FOXP2: variants seen among roughly 807,000 people sequenced by gnomAD.
FOXP2 encodes forkhead box protein P2.
A neutral mutation model predicts 115.8 loss-of-function variants in FOXP2; 12 were observed. The observed-to-expected ratio is 0.10, with a 90% CI of 0.07 to 0.17. The LOEUF (loss-of-function observed/expected upper bound fraction) is 0.17, where lower values mean the gene tolerates loss of function less well. Ranked by LOEUF, FOXP2 falls within the 10% of genes least tolerant of loss-of-function variation. FOXP2 has a pLI of 1.00. For missense variants in FOXP2, 629 were observed against 843.5 expected (o/e 0.75, Z 3.15); for synonymous variants, 328 against 297.7 (o/e 1.10, Z -1.05).
At chr7:114,490,903 CATT>C (rs1425142251) in intron 2 of FOXP2, among the ~76,000 whole-genome samples, 1 of 152,158 alleles carries the variant, frequency 6.6e-6, no homozygotes. Flanking sequence ...TCCAGTCTAT[CATT>C]GTTGAACATT....
intron 1 of FOXP2, among the ~76,000 whole-genome samples, chr7:114,134,153 C>T (rs1358092641): frequency 1.3e-5 from 2 of 151,940 alleles, no homozygotes; most frequent in Admixed American, 6.5e-5. Context: ...AAATGGGGAC[C>T]GAAATTTTAC....
At chr7:114,635,666 T>C (rs1018825016) in intron 6 of FOXP2, among the ~76,000 whole-genome samples, 1 of 152,170 alleles carries the variant, frequency 6.6e-6, no homozygotes, top group African/African-American at 2.4e-5. Flanking sequence ...AACTCTATAA[T>C]TCTTGTAGAA....
chr7:114,564,126 G>A (rs747624694), intron 3 of FOXP2, among the ~76,000 whole-genome samples: 4 of 152,072 alleles, frequency 2.6e-5, no homozygotes, highest in Admixed American at 1.3e-4. Flanking sequence ...AAAACTCTTC[G>A]TAGTCCTAAT....
chr7:114,274,867 C>T (rs1460490887), intron 1 of FOXP2, among the ~76,000 whole-genome samples: 3 of 151,682 alleles, frequency 2.0e-5, no homozygotes, highest in African/African-American at 7.3e-5. Context: ...GTTACCTAGG[C>T]TGGTCTGGAA....
chr7:114,325,523 G>A (rs1222928075), intron 2 of FOXP2, among the ~76,000 whole-genome samples: 1 of 151,510 alleles, frequency 6.6e-6, no homozygotes, highest in Admixed American at 6.6e-5. Context: ...CTTGGATATT[G>A]GAAAATCTAA....
At chr7:114,171,617 A>G (rs931934677) in intron 1 of FOXP2, among the ~76,000 whole-genome samples, 3 of 152,148 alleles carry the variant, frequency 2.0e-5, no homozygotes, top group African/African-American at 7.2e-5. Context: ...AAGAGCTCCA[A>G]TGGAGATGTT....
chr7:114,528,291 A>G (rs989385733), intron 2 of FOXP2, among the ~76,000 whole-genome samples: 2 of 152,086 alleles, frequency 1.3e-5, no homozygotes, highest in East Asian at 1.9e-4. Flanking sequence ...TATATCCTCC[A>G]TAAAAATTTC....
At chr7:114,267,228 A>C (rs1014330091) in intron 1 of FOXP2, among the ~76,000 whole-genome samples, 1 of 152,136 alleles carries the variant, frequency 6.6e-6, no homozygotes, top group Non-Finnish European at 1.5e-5. Context: ...CTAGATCCTA[A>C]AGAAAGCAGC....
intron 1 of FOXP2, among the ~76,000 whole-genome samples, chr7:114,267,190 C>T (rs1795915344): frequency 6.6e-6 from 1 of 152,022 alleles, no homozygotes; most frequent in Non-Finnish European, 1.5e-5. Context: ...AAAAAATTAT[C>T]CTCTCAACCC....
At chr7:114,345,363 T>C (rs1019632424) in intron 2 of FOXP2, among the ~76,000 whole-genome samples, 1 of 151,956 alleles carries the variant, frequency 6.6e-6, no homozygotes, top group Middle Eastern at 3.4e-3. Flanking sequence ...AATCTTGTAA[T>C]GTATCATTAG....
chr7:114,490,414 G>T (rs573393974), intron 2 of FOXP2, among the ~76,000 whole-genome samples: 9 of 152,216 alleles, frequency 5.9e-5, no homozygotes, highest in African/African-American at 2.2e-4. Context: ...GGCTCAGGGA[G>T]GTAGGGATGT....
chr7:114,657,827 A>G (rs1412272059), intron 10 of FOXP2, among the ~76,000 whole-genome samples: 1 of 152,164 alleles, frequency 6.6e-6, no homozygotes, highest in Non-Finnish European at 1.5e-5. Flanking sequence ...GTAGGACAAG[A>G]AGGAGTTAGT....
intron 1 of FOXP2, among the ~76,000 whole-genome samples, chr7:114,121,342 C>T (rs558929071): frequency 4.4e-4 from 67 of 152,000 alleles, no homozygotes; most frequent in Non-Finnish European, 9.3e-4. Flanking sequence ...CTTCCAGCCC[C>T]AGAACAGGGT....
At chr7:114,279,335 A>C (rs549822212) in intron 1 of FOXP2, among the ~76,000 whole-genome samples, 1 of 152,342 alleles carries the variant, frequency 6.6e-6, no homozygotes, top group African/African-American at 2.4e-5. Flanking sequence ...GGGATTGTTC[A>C]ACAACTGATA....
rs1214896809 is a variant in FOXP2, at chr7:114,612,430, C to T, written c.259-16110C>T. On this transcript the variant is annotated intron_variant, in intron 3 of 16. Coordinates refer to ENST00000350908, the MANE Select transcript of FOXP2 (RefSeq NM_014491.4). ...GTATATATGGGATTTTTAATACACA[C>T]ACACACACATATATATATAGTCCTC... Among the ~76,000 whole-genome samples, 3 of 151,954 alleles carry T rather than the reference C, an allele frequency of 2.0e-5. No homozygotes were observed. In the South Asian group the frequency reaches 6.2e-4, roughly 31 times the overall value.
intron 2 of FOXP2, among the ~76,000 whole-genome samples, chr7:114,381,680 A>G (rs1381208395): frequency 3.3e-5 from 5 of 152,160 alleles, no homozygotes. Context: ...TAGAGGAACA[A>G]CAGCCTCACT....
At chr7:114,252,639 T>C (rs1235070894) in intron 1 of FOXP2, among the ~76,000 whole-genome samples, 7 of 152,208 alleles carry the variant, frequency 4.6e-5, no homozygotes, top group African/African-American at 1.7e-4. Flanking sequence ...AGTGGTGATA[T>C]CCCCTTTATC....
At position 114,394,475 on chromosome 7, in the gene FOXP2, G is replaced by A. The variant is rs1052427061; in HGVS notation, c.-10-32027G>A. 2.6e-5 allele frequency among the ~76,000 whole-genome samples: 4 copies of A among 151,704 alleles called. No homozygotes were observed. The East Asian group carries it at 7.7e-4, about 29-fold the overall frequency. On this transcript the variant is annotated intron_variant, in intron 2 of 17. Transcript: ENST00000634411. ...AATTGAAAAGTTCAGTGAGGAATCG[G>A]ATACTTATATAGTTTCAAAATAACT...
At chr7:114,206,232 C>T (rs751916270) in intron 1 of FOXP2, among the ~76,000 whole-genome samples, 1 of 152,110 alleles carries the variant, frequency 6.6e-6, no homozygotes, top group Admixed American at 6.5e-5. Flanking sequence ...CTAAAAACTT[C>T]CAGTGGCTTT....
Sources: allele counts gnomAD v4.1 joint callset (sites outside exome capture counted in the v4.1 genomes callset), GRCh38; gene constraint gnomAD v4.1.1; transcripts MANE v1.5; gene names NCBI Gene and HGNC (gene_info 2026-07-23, HGNC 2026-07-21).